TTC23L: variants seen among roughly 807,000 people sequenced by gnomAD.
TTC23L encodes tetratricopeptide repeat protein 23-like.
TTC23L carries 42 observed loss-of-function variants against 48.1 expected under a neutral mutation model. The ratio of observed to expected loss-of-function variants is 0.87; its 90% CI spans 0.68 to 1.13. TTC23L has a LOEUF of 1.13. Among genes scored for constraint, TTC23L ranks in the 50% most tolerant of loss-of-function variants. The probability of loss-of-function intolerance (pLI) is 0.00; values close to 1 mark genes in which losing one functional copy is unlikely to be tolerated. For synonymous variants in TTC23L, 159 were observed against 157.2 expected, an observed-to-expected ratio of 1.01 and a Z score of -0.09; for missense variants, 391 against 421.0, an observed-to-expected ratio of 0.93 and a Z score of 0.62.
At chr5:34,894,917 T>A (rs980496444) in intron 9 of TTC23L, among the ~76,000 whole-genome samples, 4 of 144,756 alleles carry the variant, frequency 2.8e-5, no homozygotes, top group African/African-American at 8.2e-5. Context: ...GATGATGATG[T>A]TAATGGTGAT....
At chr5:34,842,426 A>G (rs547148346) in intron 2 of TTC23L, among the ~76,000 whole-genome samples, 1 of 152,138 alleles carries the variant, frequency 6.6e-6, no homozygotes, top group Admixed American at 6.5e-5. Context: ...ACCTGCCACA[A>G]TCCCTGGTGG....
chr5:34,904,296 A>C (rs1323168676), downstream of TTC23L, among the ~76,000 whole-genome samples: 1 of 150,998 alleles, frequency 6.6e-6, no homozygotes, highest in Non-Finnish European at 1.5e-5. Context: ...GCAAGCAAAC[A>C]AAAAAGTTTA....
At chr5:34,915,905 G>A in the TTC23L span, 2 of 1,546,892 alleles carry the variant, frequency 1.3e-6, no homozygotes, top group Middle Eastern at 1.7e-4. Flanking sequence ...AAGGTAGGAG[G>A]GGATGTCCCC....
Position 34,842,725 on chromosome 5 carries a change from C to T in TTC23L, c.68+1986C>T, listed in dbSNP as rs924495350. On this transcript the variant is annotated intron_variant, in intron 2 of 10. Coordinates refer to ENST00000505624, the Ensembl canonical transcript of TTC23L. The stretch of plus-strand genomic sequence containing the variant: ...TGATTGCCTCCAGCAAACCCTCTGT[C>T]GGCAGGAGCACTCGTGAGTTTGCTC... Among the ~76,000 whole-genome samples the T allele has an allele frequency of 2.2e-4, 33 of 152,286 alleles. No homozygotes were observed. In the East Asian group the frequency reaches 2.5e-3, roughly 12 times the overall value.
At chr5:34,908,514 G>T in the TTC23L span, 2 of 306,240 alleles carry the variant, frequency 6.5e-6, no homozygotes, top group African/African-American at 2.1e-5. Context: ...TTATTCCCAT[G>T]AGTTCAAAAG....
At chr5:34,893,205 T>C (rs1762983273) in intron 9 of TTC23L, among the ~76,000 whole-genome samples, 1 of 152,122 alleles carries the variant, frequency 6.6e-6, no homozygotes, top group Non-Finnish European at 1.5e-5. Flanking sequence ...GAGGCAGGAA[T>C]CAAAGGTAAC....
At chr5:34,862,914 C>T in exon 5 of TTC23L, 1 of 1,613,916 alleles carries the variant, frequency 6.2e-7, no homozygotes, top group Non-Finnish European at 8.5e-7. Flanking sequence ...CAGTTCAGGC[C>T]AAGAAACATG....
intron 9 of TTC23L, among the ~76,000 whole-genome samples, chr5:34,889,995 C>G (rs941459651): frequency 6.6e-6 from 1 of 151,930 alleles, no homozygotes; most frequent in Non-Finnish European, 1.5e-5. Flanking sequence ...TATGCCACCA[C>G]GCCCAGCTAA....
the TTC23L span, chr5:34,914,712 C>T: frequency 1.9e-6 from 3 of 1,614,226 alleles, no homozygotes; most frequent in Non-Finnish European, 1.7e-6. Context: ...AAAGCATTTG[C>T]TTGCACACAC....
intron 8 of TTC23L, among the ~76,000 whole-genome samples, chr5:34,879,685 C>T (rs1231100388): frequency 6.6e-6 from 1 of 152,070 alleles, no homozygotes; most frequent in Admixed American, 6.6e-5. Context: ...AAAACCAAAA[C>T]ATCATCTGAT....
chr5:34,921,088 A>G, the TTC23L span: 6 of 152,086 alleles, frequency 3.9e-5, no homozygotes, highest in African/African-American at 1.4e-4. Flanking sequence ...CAATTCACCT[A>G]CCTCGGCCTC....
chr5:34,888,484 A>G, intron 9 of TTC23L: 1 of 985,168 alleles, frequency 1.0e-6, no homozygotes, highest in African/African-American at 1.7e-5. Flanking sequence ...TTGTATATGG[A>G]GGTGAACACA....
intron 7 of TTC23L, chr5:34,868,660 T>A (rs977505484): frequency 2.5e-5 from 9 of 360,302 alleles, no homozygotes; most frequent in Non-Finnish European, 4.7e-5. Flanking sequence ...CTAGCCAACA[T>A]TTATTGAGAA....
chr5:34,914,413 T>C, the TTC23L span: 11 of 410,636 alleles, frequency 2.7e-5, no homozygotes, highest in East Asian at 3.6e-4. Flanking sequence ...AAGAAGACTG[T>C]AGCCTAGCCA....
intron 9 of TTC23L, among the ~76,000 whole-genome samples, chr5:34,895,375 G>A (rs1024202573): frequency 6.6e-6 from 1 of 152,176 alleles, no homozygotes; most frequent in Non-Finnish European, 1.5e-5. Context: ...ACAGTATCTG[G>A]TATACTGTTA....
chr5:34,855,484 G>T (rs1382570941), intron 4 of TTC23L, among the ~76,000 whole-genome samples: 1 of 152,186 alleles, frequency 6.6e-6, no homozygotes. Flanking sequence ...GGGTGAGAAG[G>T]TAAGGATTCA....
intron 9 of TTC23L, among the ~76,000 whole-genome samples, chr5:34,895,035 T>C (rs917175764): frequency 1.3e-5 from 2 of 152,216 alleles, no homozygotes; most frequent in Non-Finnish European, 2.9e-5. Context: ...TAGCATGAGC[T>C]GTATTTGTAG....
intron 9 of TTC23L, among the ~76,000 whole-genome samples, chr5:34,891,420 C>T (rs1383363733): frequency 1.3e-5 from 2 of 152,176 alleles, no homozygotes; most frequent in African/African-American, 4.8e-5. Context: ...ATGTCTATAA[C>T]ATGCATAGTA....
chr5:34,911,943 T>C, the TTC23L span: 1 of 1,065,834 alleles, frequency 9.4e-7, no homozygotes, highest in Non-Finnish European at 1.4e-6. Flanking sequence ...TATCTCCTCA[T>C]AAAAAGGGAT....
Sources: gnomAD v4.1 joint callset for allele counts (sites outside exome capture counted in the v4.1 genomes callset) on GRCh38, gnomAD v4.1.1 for gene constraint, MANE v1.5 for transcripts, NCBI Gene and HGNC (gene_info 2026-07-23, HGNC 2026-07-21) for gene names.